The following ATP8B4 variants were observed in gnomAD, a reference collection of about 807,000 sequenced individuals.
ATP8B4 encodes probable phospholipid-transporting ATPase IM.
In ATP8B4, 133 loss-of-function variants were observed where a neutral mutation model predicts 145.6. The observed-to-expected ratio is 0.91, with a 90% confidence interval of 0.79 to 1.05. The LOEUF (loss-of-function observed/expected upper bound fraction) is 1.05. ATP8B4 is among the 50% of genes least tolerant of loss of function. The pLI is 0.00. For missense variants in ATP8B4, 1,458 were observed against 1,425.2 expected, an observed-to-expected ratio of 1.02 and a Z score of -0.37; for synonymous variants, 507 against 492.9, an observed-to-expected ratio of 1.03 and a Z score of -0.38.
At chr15:49,953,236 G>A (rs1277109547) in intron 14 of ATP8B4, among the ~76,000 whole-genome samples, 1 of 152,266 alleles carries the variant, frequency 6.6e-6, no homozygotes, top group East Asian at 1.9e-4. Context: ...TTGTCTCTTG[G>A]TGGAAGGGCT....
intron 2 of ATP8B4, among the ~76,000 whole-genome samples, chr15:50,085,907 A>T (rs1269333127): frequency 6.3e-5 from 6 of 94,872 alleles, no homozygotes; most frequent in South Asian, 6.2e-4. Flanking sequence ...TATATCATAT[A>T]TATTTATATA....
Position 49,987,387 on chromosome 15 carries a change from G to C in ATP8B4, c.748+4C>G. The C allele has an allele frequency of 6.2e-7, 1 of 1,613,216 alleles. No individual in the cohort carries two copies. The stretch of plus-strand genomic sequence containing the variant: ...CAGAGCTGGCCTTGGGTCACATGCT[G>C]TACCTGCAAAAATAACCATTCCAAA... On this transcript the variant is annotated splice_donor_region_variant and intron_variant, in intron 10 of 27. Coordinates refer to ENST00000284509, the MANE Select transcript of ATP8B4 (RefSeq NM_024837.4).
chr15:49,988,694 G>A (rs556635547), intron 9 of ATP8B4, among the ~76,000 whole-genome samples: 6 of 152,276 alleles, frequency 3.9e-5, no homozygotes, highest in East Asian at 1.9e-4. Flanking sequence ...AGAGAAAGGG[G>A]ACCACGTCAG....
chr15:50,040,034 T>C (rs1178978180), intron 5 of ATP8B4, among the ~76,000 whole-genome samples: 2 of 152,138 alleles, frequency 1.3e-5, no homozygotes, highest in Admixed American at 6.5e-5. Flanking sequence ...ATGGAAACAT[T>C]ATTTGATCTG....
intron 1 of ATP8B4, among the ~76,000 whole-genome samples, chr15:50,129,382 T>C (rs961374106): frequency 6.6e-6 from 1 of 152,280 alleles, no homozygotes; most frequent in South Asian, 2.1e-4. Flanking sequence ...AGGGAGAATA[T>C]GTTCCATGCC....
intron 21 of ATP8B4, among the ~76,000 whole-genome samples, chr15:49,900,072 C>T (rs995616454): frequency 6.6e-6 from 1 of 152,132 alleles, no homozygotes; most frequent in Non-Finnish European, 1.5e-5. Context: ...TGGGGGCCAC[C>T]AGCTTTAAGA....
At chr15:50,144,723 T>C (rs894769028) in intron 1 of ATP8B4, among the ~76,000 whole-genome samples, 6 of 151,926 alleles carry the variant, frequency 3.9e-5, no homozygotes, top group African/African-American at 1.4e-4. Flanking sequence ...TAACCTAATA[T>C]GAGATGACAT....
chr15:49,990,755 C>A (rs7165307), intron 9 of ATP8B4, among the ~76,000 whole-genome samples: 103,710 of 152,040 alleles, frequency 0.68, 37,637 homozygotes, highest in East Asian at 0.99. Flanking sequence ...TCATCTCTTC[C>A]TATACATTAT....
chr15:49,879,388 C>A lies in ATP8B4; in HGVS notation c.2769G>T (p.Gly923=), dbSNP rs751561190. The A allele has an allele frequency of 1.2e-5, 19 of 1,611,078 alleles. No homozygotes were observed. The highest frequency in any genetic ancestry group is 4.0e-5 in the African/African-American group (3 of 74,750). Residue 923 remains glycine (G), a synonymous_variant, in exon 24 of 28, where the codon GGG becomes GGT. Coordinates refer to ENST00000284509, the MANE Select transcript of ATP8B4 (RefSeq NM_024837.4). ...VYTSLPVLAM[G]IFDQDVSDQN... ...AAAAAAAACATACCTGGTCAAAAAT[C>A]CCCATGGCTAAAACAGGCAGTGATG...
At chr15:50,094,196 C>G (rs932282952) in intron 2 of ATP8B4, among the ~76,000 whole-genome samples, 1 of 152,104 alleles carries the variant, frequency 6.6e-6, no homozygotes, top group African/African-American at 2.4e-5. Context: ...AGCAGATCAC[C>G]GTCCCTGATG....
chr15:49,897,365 T>C lies in ATP8B4; in HGVS notation c.2624A>G (p.Tyr875Cys), dbSNP rs147687093. 145 of 1,613,650 alleles carry C rather than the reference T, an allele frequency of 9.0e-5. No individual in the cohort carries two copies. Among genetic ancestry groups the C allele is most frequent in the Non-Finnish European group, 1.1e-4 (134 of 1,179,858 alleles). The change falls in exon 23 of 28, where the codon TAT (tyrosine) becomes TGT (cysteine). Residue 875 changes from tyrosine to cysteine, a missense_variant. Transcript: ENST00000284509. ...SYFRMCKFLC[Y>C]FFYKNFAFTL... ...AAATGCAAAATTCTTATAGAAGAAA[T>C]AGCATAAGAATTTGCACATTCGGAA...
At chr15:50,142,759 A>T (rs1595641932) in intron 1 of ATP8B4, among the ~76,000 whole-genome samples, 5 of 152,206 alleles carry the variant, frequency 3.3e-5, no homozygotes. Context: ...AAGTGTGGGC[A>T]TGGCATAGAT....
chr15:50,050,009 T>C (rs915002519), intron 3 of ATP8B4, among the ~76,000 whole-genome samples: 23 of 152,314 alleles, frequency 1.5e-4, no homozygotes, highest in African/African-American at 5.1e-4. Context: ...TGGGGTCACC[T>C]AGACCAAGTC....
intron 24 of ATP8B4, among the ~76,000 whole-genome samples, chr15:49,878,599 C>G (rs1368738072): frequency 6.6e-6 from 1 of 152,194 alleles, no homozygotes; most frequent in East Asian, 1.9e-4. Flanking sequence ...GCTAGTCTTT[C>G]ACTTCCCCAC....
At chr15:49,977,935 A>G (rs910800441) in intron 12 of ATP8B4, among the ~76,000 whole-genome samples, 1 of 152,164 alleles carries the variant, frequency 6.6e-6, no homozygotes, top group Non-Finnish European at 1.5e-5. Context: ...CTCCAAGGTC[A>G]CACAGCTATT....
At chr15:49,860,557 C>CTTT in intron 27 of ATP8B4, 82 bp from the exon 28 acceptor site, 1 of 1,257,210 alleles carries the variant, frequency 8.0e-7, no homozygotes, top group Non-Finnish European at 1.1e-6. Context: ...AAGTGAAAGC[C>CTTT]TTTTTTTTTT....
At chr15:49,898,774 T>C (rs1023241879) in intron 21 of ATP8B4, among the ~76,000 whole-genome samples, 2 of 152,166 alleles carry the variant, frequency 1.3e-5, no homozygotes, top group Non-Finnish European at 2.9e-5. Flanking sequence ...TTGAAGAACA[T>C]AGTGACTGAA....
At chr15:50,000,536 A>G (rs1328888907) in intron 8 of ATP8B4, among the ~76,000 whole-genome samples, 1 of 152,018 alleles carries the variant, frequency 6.6e-6, no homozygotes, top group Admixed American at 6.6e-5. Context: ...CCCATTTTCA[A>G]ATGGGATGGT....
Position 50,104,866 on chromosome 15 carries a change from T to TACACACAC in ATP8B4, c.28+2065_28+2072dup, listed in dbSNP as rs142425113. On this transcript the variant is annotated intron_variant, in intron 2 of 27. Coordinates refer to ENST00000284509, the MANE Select transcript of ATP8B4 (RefSeq NM_024837.4). ...ACGAGCAAATAAAGAAAATGTTGCA[T>TACACACAC]ACACACACACACACACACACACCCA... 1.6e-3 allele frequency among the ~76,000 whole-genome samples: 182 copies of TACACACAC among 116,390 alleles called. 2 individuals carry two copies. The highest frequency in any genetic ancestry group is 6.2e-3 in the African/African-American group (170 of 27,614). The allele number at this position is 116,390 out of a possible 152,430, so 76.4% of individuals were successfully genotyped here.
Sources: allele counts gnomAD v4.1 joint callset (sites outside exome capture counted in the v4.1 genomes callset), GRCh38; gene constraint gnomAD v4.1.1; transcripts MANE v1.5; gene names NCBI Gene and HGNC (gene_info 2026-07-23, HGNC 2026-07-21).